Variants in DOT1L observed in about 807,000 individuals in gnomAD.
DOT1L encodes the protein histone-lysine N-methyltransferase, H3 lysine-79 specific.
In DOT1L, 33 loss-of-function variants were observed where a neutral mutation model predicts 153.3. The observed-to-expected ratio is 0.22, with a 90% CI of 0.16 to 0.29. The LOEUF is 0.29. DOT1L is among the 10% of genes least tolerant of loss of function. The probability of loss-of-function intolerance (pLI) is 1.00; values close to 1 mark genes in which losing one functional copy is unlikely to be tolerated. For missense variants in DOT1L, 1,847 were observed against 2,119.9 expected, an observed-to-expected ratio of 0.87 and a Z score of 2.53; for synonymous variants, 1,135 against 965.1, an observed-to-expected ratio of 1.18 and a Z score of -3.26.
chr19:2,202,809 G>C, intron 9 of DOT1L, 30 bp downstream of exon 9: 1 of 1,613,140 alleles, frequency 6.2e-7, no homozygotes, highest in South Asian at 1.1e-5. Flanking sequence ...GGTCTGTGCT[G>C]GTGTGACATG....
chr19:2,170,175 G>C lies in DOT1L; in HGVS notation c.81+5910G>C, dbSNP rs373977604. On this transcript the variant is annotated intron_variant, in intron 1 of 27. Transcript: ENST00000398665. ...TTAGATAAAGGAAAAAAGAATTTTT[G>C]TTCAAGTAATATTGGCCATTGATGG... is the stretch of plus-strand genomic sequence containing the variant. Among the ~76,000 whole-genome samples, 6 of 152,274 alleles carry C rather than the reference G, an allele frequency of 3.9e-5. No homozygotes were observed. The East Asian group carries it at 7.7e-4, about 20-fold the overall frequency.
At chr19:2,206,280 C>T (rs938009110) in intron 9 of DOT1L, among the ~76,000 whole-genome samples, 4 of 152,090 alleles carry the variant, frequency 2.6e-5, no homozygotes, top group South Asian at 2.1e-4. Context: ...GCCACTGCAC[C>T]GCGCCGAGAA....
At chr19:2,205,379 A>G (rs2023452892) in intron 9 of DOT1L, among the ~76,000 whole-genome samples, 2 of 152,146 alleles carry the variant, frequency 1.3e-5, no homozygotes, top group African/African-American at 4.8e-5. Flanking sequence ...CCTGCAGCAC[A>G]CACAAGATGC....
chr19:2,179,709 AG>A (rs1189414885), intron 1 of DOT1L, among the ~76,000 whole-genome samples: 1 of 152,156 alleles, frequency 6.6e-6, no homozygotes, highest in Non-Finnish European at 1.5e-5. Context: ...CGGGAGGCTG[AG>A]GCAGGAGAAT....
In DOT1L at chr19:2,216,596, G is replaced by A. The variant is rs765575495; in HGVS notation, c.2239G>A (p.Val747Met). The A allele has an allele frequency of 6.2e-6, 10 of 1,607,974 alleles. No individual in the cohort carries two copies. The highest frequency in any genetic ancestry group is 2.2e-5 in the East Asian group (1 of 44,884). Residue 747 changes from valine (V) to methionine (M), a missense_variant, in exon 20 of 28, where the codon GTG becomes ATG. By Grantham distance (21) the Val-to-Met change is conservative. Around this residue, in one of 8 missense-constraint regions of DOT1L, gnomAD observed 281 missense variants for 263.6 expected, o/e 1.07. Transcript: ENST00000398665. ...QYLASPLDQE[V>M]VPCTPSHVGR... ...CCTGGCCTCACCCCTGGACCAGGAGGTGGTGCCCTGTACCCCTAGCCACGT... is the reference window on the plus strand; with the variant it reads ...CCTGGCCTCACCCCTGGACCAGGAGATGGTGCCCTGTACCCCTAGCCACGT...
At position 2,204,253 on chromosome 19, in the gene DOT1L, G is replaced by A. The variant is rs1441857889; in HGVS notation, c.787+1474G>A. Among the ~76,000 whole-genome samples the A allele has an allele frequency of 2.6e-5, 4 of 151,866 alleles. No individual in the cohort carries two copies. Among genetic ancestry groups the A allele is most frequent in the African/African-American group, 4.8e-5 (2 of 41,336 alleles). ...TGCATGCCTGTGTGTGTGCGTGCCC[G>A]TGTGCCTCCGTGTCTATGTATGTGT... On this transcript the variant is annotated intron_variant, in intron 9 of 27. Transcript: ENST00000398665. The surrounding 1 kb of genome is among the most constrained non-coding windows in gnomAD (Gnocchi z 5.7).
intron 25 of DOT1L, among the ~76,000 whole-genome samples, chr19:2,224,803 C>G (rs112831823): frequency 6.6e-6 from 1 of 152,200 alleles, no homozygotes; most frequent in Non-Finnish European, 1.5e-5. Context: ...TCCTTGCCCA[C>G]GTGTGCGTGC....
At chr19:2,209,459 C>A (rs1337800696) in intron 12 of DOT1L, among the ~76,000 whole-genome samples, 1 of 152,232 alleles carries the variant, frequency 6.6e-6, no homozygotes, top group African/African-American at 2.4e-5. Context: ...CTGCTGGCTG[C>A]CCCCTCTTGA....
chr19:2,223,457 A>T lies in DOT1L; in HGVS notation c.3567A>T (p.Pro1189=), dbSNP rs368375096. The T allele has an allele frequency of 6.2e-7, 1 of 1,612,168 alleles. No homozygotes were observed. The highest frequency in any genetic ancestry group is 1.3e-5 in the African/African-American group (1 of 74,722). Residue 1189 remains proline, a synonymous_variant, in exon 25 of 28, where the codon CCA becomes CCT. Coordinates refer to ENST00000398665, the MANE Select transcript of DOT1L (RefSeq NM_032482.3). ...CCCCACTCACCTCAGACGAGGAGCCAGGCTCTGAGGACGAGCCCAGCAGTG... is the reference window on the plus strand; with the variant it reads ...CCCCACTCACCTCAGACGAGGAGCCTGGCTCTGAGGACGAGCCCAGCAGTG... ...HYSPLTSDEE[P]GSEDEPSSAR...
Position 2,230,516 on chromosome 19 carries a change from T to C in DOT1L, c.*724T>C, listed in dbSNP as rs1449518831. The C allele has an allele frequency of 2.5e-6, 1 of 398,672 alleles. No homozygotes were observed. The allele number at this position is 398,672 out of a possible 1,614,324, so 24.7% of individuals were successfully genotyped here. A position where few individuals can be genotyped will look rare whatever the true frequency, so the allele number is the denominator to read the frequency against. Reference sequence around the variant, plus strand: ...GTGCTGTGAGGACGGCGCGGGCACGTTGAACAAGTGCATTTACTTTTGTAT... The same window carrying C: ...GTGCTGTGAGGACGGCGCGGGCACGCTGAACAAGTGCATTTACTTTTGTAT... On this transcript the variant is annotated 3_prime_UTR_variant, in exon 28 of 28. Coordinates refer to ENST00000398665, the MANE Select transcript of DOT1L (RefSeq NM_032482.3).
intron 27 of DOT1L, chr19:2,227,433 C>T (rs1338049209): frequency 1.6e-6 from 1 of 619,220 alleles, no homozygotes; most frequent in Non-Finnish European, 3.1e-6. Flanking sequence ...GTGTGGCCGC[C>T]CGGGCTCTGG....
In DOT1L at chr19:2,208,872, C is replaced by A; in HGVS notation, c.964-63C>A. On this transcript the variant is annotated intron_variant, in intron 11 of 27. Coordinates refer to ENST00000398665, the MANE Select transcript of DOT1L (RefSeq NM_032482.3). This position sits in a 1 kb window ranked among gnomAD's most constrained non-coding sequence, Gnocchi z 4.4. ...CAGGTTGCTGTTGTTACCTGGGTGT[C>A]CAGACAAATCCGAACAGAGATTGGG... 1 of 1,560,762 alleles carries A rather than the reference C, an allele frequency of 6.4e-7. No homozygotes were observed. Among genetic ancestry groups the A allele is most frequent in the South Asian group, 1.1e-5 (1 of 87,174 alleles).
In DOT1L at chr19:2,217,912, G is replaced by C. The variant is rs1475592510; in HGVS notation, c.2685G>C (p.Glu895Asp). The C allele has an allele frequency of 6.2e-7, 1 of 1,611,372 alleles. No individual in the cohort carries two copies. Among genetic ancestry groups the C allele is most frequent in the African/African-American group, 1.3e-5 (1 of 74,946 alleles). Residue 895 changes from glutamate to aspartate, a missense_variant, in exon 22 of 28, where the codon GAG becomes GAC. By Grantham distance (45) the Glu-to-Asp change is conservative (BLOSUM62 2). Coordinates refer to ENST00000398665, the MANE Select transcript of DOT1L (RefSeq NM_032482.3). The surrounding 1 kb of genome is among the most constrained non-coding windows in gnomAD (Gnocchi z 7.3). The part of the protein sequence containing the change: ...LASVVLPSRA[E>D]RARSTPSPVL... Reference sequence around the variant, plus strand: ...GCGTGGTGCTGCCCAGCCGCGCCGAGAGGGCGGTGAGTGGCTCCCAGGTGG... The same window carrying C: ...GCGTGGTGCTGCCCAGCCGCGCCGACAGGGCGGTGAGTGGCTCCCAGGTGG...
intron 27 of DOT1L, chr19:2,228,355 G>A: frequency 7.6e-7 from 1 of 1,315,658 alleles, no homozygotes. Flanking sequence ...TAAAGACCTT[G>A]CTTAGCTAGC....
At chr19:2,221,582 T>TC (rs1568366481) in intron 23 of DOT1L, 1 of 218,732 alleles carries the variant, frequency 4.6e-6, no homozygotes, top group Non-Finnish European at 9.1e-6. Context: ...AGTTGTCTTC[T>TC]GAGAACAGGA....
At chr19:2,188,489 C>G (rs979556875) in intron 3 of DOT1L, among the ~76,000 whole-genome samples, 1 of 129,104 alleles carries the variant, frequency 7.7e-6, no homozygotes, top group Non-Finnish European at 1.7e-5. Flanking sequence ...CGCCCCCCCC[C>G]CCCCCACCCG....
chr19:2,181,419 G>A (rs2022225579), intron 2 of DOT1L, among the ~76,000 whole-genome samples: 1 of 152,186 alleles, frequency 6.6e-6, no homozygotes. Context: ...CATCTGCCCA[G>A]GCCTGCAGCT....
chr19:2,217,944 C>A lies in DOT1L; in HGVS notation c.2691+26C>A. On this transcript the variant is annotated intron_variant, in intron 22 of 27. Coordinates refer to ENST00000398665, the MANE Select transcript of DOT1L (RefSeq NM_032482.3). The surrounding 1 kb of genome is among the most constrained non-coding windows in gnomAD (Gnocchi z 7.3). ...GTGAGTGGCTCCCAGGTGGCTGTCC[C>A]CAAGGGCCACGTTGAGGCAAAACAG... The A allele has an allele frequency of 6.2e-7, 1 of 1,605,974 alleles. No individual in the cohort carries two copies.
rs552979928 is a variant in DOT1L at position 2,222,730 on chromosome 19, C to T, written c.3390+171C>T. ...CCTGGCTAACACGGTGAAACCCCGT[C>T]TCTACCAAAAATACAAAAGATTAGC... On this transcript the variant is annotated intron_variant, in intron 24 of 27. Transcript: ENST00000398665. The surrounding 1 kb of genome is among the most constrained non-coding windows in gnomAD (Gnocchi z 6.5). 75 of 668,840 alleles carry T rather than the reference C, an allele frequency of 1.1e-4. 2 individuals carry two copies. The South Asian group carries it at 1.7e-3, about 15-fold the overall frequency. 41.4% of individuals were successfully genotyped at this position (668,840 alleles called of 1,614,324 possible).
Sources: allele counts gnomAD v4.1 joint callset (sites outside exome capture counted in the v4.1 genomes callset), GRCh38; gene constraint gnomAD v4.1.1; regional missense constraint gnomAD v4.1.1; non-coding constraint Gnocchi (gnomAD v3.1); transcripts MANE v1.5; gene names NCBI Gene and HGNC (gene_info 2026-07-23, HGNC 2026-07-21).